GRM8: variants seen among roughly 807,000 people sequenced by gnomAD.
GRM8 encodes the protein metabotropic glutamate receptor 8.
A neutral mutation model predicts 87.2 loss-of-function variants in GRM8; 47 were observed. The ratio of observed to expected loss-of-function variants is 0.54; its 90% confidence interval spans 0.43 to 0.69. The LOEUF is 0.69. Ranked by LOEUF, GRM8 falls within the 30% of genes least tolerant of loss-of-function variation. The probability of loss-of-function intolerance (pLI) is 0.00; values close to 1 mark genes in which losing one functional copy is unlikely to be tolerated. For synonymous variants in GRM8, 396 were observed against 404.5 expected, an observed-to-expected ratio of 0.98 and a Z score of 0.25; for missense variants, 1,019 against 1,139.2, an observed-to-expected ratio of 0.89 and a Z score of 1.52.
chr7:126,771,290 AT>A (rs75000970), intron 6 of GRM8, among the ~76,000 whole-genome samples: 3,382 of 151,866 alleles, frequency 0.022, 134 homozygotes, highest in African/African-American at 0.077. Flanking sequence ...CAGTTTATTT[AT>A]TTTTATTCAT....
At chr7:127,059,341 T>TG (rs1820374847) in intron 3 of GRM8, among the ~76,000 whole-genome samples, 3 of 148,758 alleles carry the variant, frequency 2.0e-5, no homozygotes, top group South Asian at 2.2e-4. Flanking sequence ...CTTTTTTTTT[T>TG]TTTTGTTTTT....
At chr7:126,860,035 A>T (rs954731044) in intron 6 of GRM8, among the ~76,000 whole-genome samples, 4 of 152,202 alleles carry the variant, frequency 2.6e-5, no homozygotes, top group African/African-American at 7.2e-5. Flanking sequence ...AAGTTATCAC[A>T]TTTAACTATA....
At chr7:127,004,332 A>G (rs1209114335) in intron 3 of GRM8, among the ~76,000 whole-genome samples, 1 of 151,734 alleles carries the variant, frequency 6.6e-6, no homozygotes, top group Non-Finnish European at 1.5e-5. Context: ...TAATAAGATC[A>G]AAGAAATGAA....
rs146874042 is a variant in GRM8, at chr7:126,805,485, G to T, written c.1157-35420C>A. On this transcript the variant is annotated intron_variant, in intron 6 of 10. Transcript: ENST00000339582. ...ACTTATTCTGCTTTGAATAGTCTTT[G>T]TTATTCCCCCAGTATTACTAGAGGT... Among the ~76,000 whole-genome samples the T allele has an allele frequency of 7.2e-5, 11 of 152,286 alleles. No individual in the cohort carries two copies. The East Asian group carries it at 1.9e-3, about 27-fold the overall frequency.
chr7:126,795,199 A>G (rs1027036549), intron 6 of GRM8, among the ~76,000 whole-genome samples: 3 of 152,274 alleles, frequency 2.0e-5, no homozygotes, highest in South Asian at 4.1e-4. Flanking sequence ...ATTGAAAACA[A>G]CTGATACTAA....
At chr7:127,036,309 GT>G (rs1563437809) in intron 3 of GRM8, among the ~76,000 whole-genome samples, 1 of 152,122 alleles carries the variant, frequency 6.6e-6, no homozygotes, top group Admixed American at 6.5e-5. Context: ...GTATCTTTCT[GT>G]TCAGTCGCAT....
rs893290634 is a variant in GRM8 at position 126,769,951 on chromosome 7, C to G, written c.1271G>C (p.Cys424Ser). Residue 424 changes from cysteine to serine, a missense_variant, in exon 7 of 11, where the codon TGC (cysteine) becomes TCC (serine). Transcript: ENST00000339582. ...TGGACAAAGGCCAATGTATCCAGGG[C>G]AGAGATCTTTGTGCATATTGTGCAG... ...YALHNMHKDLCPGYIGLCPRM... is the reference protein window; with the variant it reads ...YALHNMHKDLSPGYIGLCPRM... 3.7e-6 allele frequency: 6 copies of G among 1,612,806 alleles called. No homozygotes were observed. The highest frequency in any genetic ancestry group is 5.1e-6 in the Non-Finnish European group (6 of 1,179,032).
chr7:126,952,613 T>A (rs931035855), intron 3 of GRM8, among the ~76,000 whole-genome samples: 1 of 151,914 alleles, frequency 6.6e-6, no homozygotes, highest in African/African-American at 2.4e-5. Flanking sequence ...ACACCACCAC[T>A]AATAAAAAAT....
chr7:126,556,671 C>G (rs968047579), intron 8 of GRM8, among the ~76,000 whole-genome samples: 1 of 152,016 alleles, frequency 6.6e-6, no homozygotes, highest in Non-Finnish European at 1.5e-5. Flanking sequence ...AATGTGTCCA[C>G]AATTTTGATT....
At chr7:126,637,924 T>A (rs1802019619) in intron 7 of GRM8, among the ~76,000 whole-genome samples, 1 of 152,084 alleles carries the variant, frequency 6.6e-6, no homozygotes, top group South Asian at 2.1e-4. Flanking sequence ...AGATCACCTG[T>A]GAAATAAATG....
chr7:126,479,379 A>C (rs1046962851), intron 9 of GRM8, among the ~76,000 whole-genome samples: 4 of 152,074 alleles, frequency 2.6e-5, no homozygotes, highest in African/African-American at 9.7e-5. Flanking sequence ...AATACTCTCC[A>C]TGAGCCTTCC....
chr7:126,691,872 G>A (rs1453126152), intron 7 of GRM8, among the ~76,000 whole-genome samples: 2 of 152,222 alleles, frequency 1.3e-5, no homozygotes, highest in Non-Finnish European at 2.9e-5. Flanking sequence ...TCTACTCAGT[G>A]AGAATTTAAT....
intron 2 of GRM8, among the ~76,000 whole-genome samples, chr7:127,107,901 A>C (rs1008283161): frequency 2.0e-5 from 3 of 152,240 alleles, no homozygotes; most frequent in Admixed American, 6.5e-5. Flanking sequence ...CGGGAGCAGC[A>C]GCAGAGCAAT....
chr7:127,040,516 T>C (rs1379452113), intron 3 of GRM8, among the ~76,000 whole-genome samples: 1 of 150,816 alleles, frequency 6.6e-6, no homozygotes, highest in Non-Finnish European at 1.5e-5. Flanking sequence ...TCTACAAGAG[T>C]AAAACCAGTG....
chr7:126,695,024 C>T (rs1325059654), intron 7 of GRM8, among the ~76,000 whole-genome samples: 2 of 152,074 alleles, frequency 1.3e-5, no homozygotes, highest in East Asian at 1.9e-4. Flanking sequence ...TAGATATCCT[C>T]GGAATAAAAT....
At chr7:126,551,731 C>T (rs547636465) in intron 8 of GRM8, among the ~76,000 whole-genome samples, 2 of 152,046 alleles carry the variant, frequency 1.3e-5, no homozygotes, top group South Asian at 4.2e-4. Flanking sequence ...CTGCTGGAAC[C>T]ATTTATCATA....
At chr7:127,212,528 C>T (rs1353230928) in intron 2 of GRM8, among the ~76,000 whole-genome samples, 2 of 149,718 alleles carry the variant, frequency 1.3e-5, no homozygotes, top group Non-Finnish European at 3.0e-5. Flanking sequence ...CGCCATTCTC[C>T]TGCCTCAGCC....
At chr7:126,522,402 C>T (rs1456196300) in intron 9 of GRM8, among the ~76,000 whole-genome samples, 3 of 152,258 alleles carry the variant, frequency 2.0e-5, no homozygotes, top group Admixed American at 6.5e-5. Flanking sequence ...CATATTCATG[C>T]TCAAAAAGGT....
intron 7 of GRM8, among the ~76,000 whole-genome samples, chr7:126,662,294 A>G (rs1024555882): frequency 6.6e-6 from 1 of 152,208 alleles, no homozygotes; most frequent in Non-Finnish European, 1.5e-5. Context: ...GAGTGTGAAA[A>G]TGAAAGAAAC....
Sources: allele counts gnomAD v4.1 joint callset (sites outside exome capture counted in the v4.1 genomes callset), GRCh38; gene constraint gnomAD v4.1.1; transcripts MANE v1.5; gene names NCBI Gene and HGNC (gene_info 2026-07-23, HGNC 2026-07-21).